Variants in BAALC observed in about 807,000 individuals in gnomAD.
BAALC encodes BAALC binder of MAP3K1 and KLF4.
Under a neutral mutation model 15.5 loss-of-function variants are expected in BAALC, and 9 were observed. The ratio of observed to expected loss-of-function variants is 0.58; its 90% CI spans 0.35 to 1.02. The LOEUF is 1.02. BAALC is among the 50% of genes least tolerant of loss of function. The pLI is 0.02. For missense variants in BAALC, 201 were observed against 192.4 expected (o/e 1.04, Z -0.27); for synonymous variants, 80 against 74.6 (o/e 1.07, Z -0.37).
At chr8:103,164,483 A>G (rs1174227783) in intron 1 of BAALC, among the ~76,000 whole-genome samples, 1 of 152,098 alleles carries the variant, frequency 6.6e-6, no homozygotes, top group Non-Finnish European at 1.5e-5. Context: ...TTTCTGGAGG[A>G]TGGATGTGAT....
intron 1 of BAALC, among the ~76,000 whole-genome samples, chr8:103,177,513 C>A (rs1051175086): frequency 6.6e-6 from 1 of 152,102 alleles, no homozygotes; most frequent in Non-Finnish European, 1.5e-5. Context: ...AGCCACCTAT[C>A]CCATGCAAAA....
chr8:103,154,890 C>T (rs1378758226), intron 1 of BAALC, among the ~76,000 whole-genome samples: 2 of 150,870 alleles, frequency 1.3e-5, no homozygotes, highest in Non-Finnish European at 2.9e-5. Flanking sequence ...GTAACACCAC[C>T]TGTGATGTGG....
chr8:103,193,940 G>T (rs1812032852), intron 1 of BAALC, among the ~76,000 whole-genome samples: 1 of 152,164 alleles, frequency 6.6e-6, no homozygotes, highest in East Asian at 1.9e-4. Context: ...AGATGCTTAA[G>T]GCCCCAAGAG....
chr8:103,142,705 G>A (rs1810806703), intron 1 of BAALC, among the ~76,000 whole-genome samples: 2 of 152,194 alleles, frequency 1.3e-5, no homozygotes, highest in Admixed American at 6.5e-5. Context: ...GTGTATGTGC[G>A]TATATGCATA....
At chr8:103,150,890 A>G (rs1415859822) in intron 1 of BAALC, among the ~76,000 whole-genome samples, 1 of 151,880 alleles carries the variant, frequency 6.6e-6, no homozygotes, top group Non-Finnish European at 1.5e-5. Flanking sequence ...TTCCTCCCCA[A>G]CTAGTGAGCC....
chr8:103,150,405 A>G (rs1810962401), intron 1 of BAALC, among the ~76,000 whole-genome samples: 1 of 150,954 alleles, frequency 6.6e-6, no homozygotes, highest in East Asian at 2.0e-4. Flanking sequence ...GTGTGCAGGG[A>G]CCAGCTTTCT....
intron 2 of BAALC, among the ~76,000 whole-genome samples, chr8:103,217,129 CT>C (rs958364026): frequency 5.3e-5 from 8 of 152,180 alleles, no homozygotes; most frequent in Admixed American, 6.5e-5. Flanking sequence ...GCCTGTGCAG[CT>C]TTTGTTTTCA....
At chr8:103,145,301 C>T (rs1246475532) in intron 1 of BAALC, among the ~76,000 whole-genome samples, 1 of 152,174 alleles carries the variant, frequency 6.6e-6, no homozygotes, top group East Asian at 1.9e-4. Context: ...AACTCCAGAC[C>T]CATGTGATCA....
At chr8:103,198,200 C>T in intron 1 of BAALC, 1 of 694,860 alleles carries the variant, frequency 1.4e-6, no homozygotes, top group Non-Finnish European at 2.6e-6. Context: ...ATAGGCATTG[C>T]AATGTATTGA....
intron 1 of BAALC, among the ~76,000 whole-genome samples, chr8:103,168,515 T>G (rs7843452): frequency 0.062 from 9,477 of 152,114 alleles, 550 homozygotes; most frequent in African/African-American, 0.16. Context: ...GTGTTTGTTT[T>G]TTTTTTTTTA....
chr8:103,199,889 A>G (rs1408967840), intron 1 of BAALC, among the ~76,000 whole-genome samples: 1 of 152,174 alleles, frequency 6.6e-6, no homozygotes, highest in African/African-American at 2.4e-5. Context: ...AGCTCCACTT[A>G]TCAGTGAGAA....
chr8:103,166,733 G>A (rs543463680), intron 1 of BAALC, among the ~76,000 whole-genome samples: 9 of 152,276 alleles, frequency 5.9e-5, no homozygotes, highest in African/African-American at 2.2e-4. Flanking sequence ...TTAATGAGGT[G>A]CTTGTGCTCC....
intron 1 of BAALC, among the ~76,000 whole-genome samples, chr8:103,175,219 T>A (rs1811581701): frequency 1.3e-5 from 2 of 152,174 alleles, no homozygotes; most frequent in African/African-American, 4.8e-5. Context: ...ACTTTCTTTC[T>A]CTCTACACAA....
At chr8:103,169,582 T>G (rs1445850268) in intron 1 of BAALC, among the ~76,000 whole-genome samples, 4 of 152,208 alleles carry the variant, frequency 2.6e-5, no homozygotes, top group Non-Finnish European at 4.4e-5. Flanking sequence ...CAGGAACTTT[T>G]GATGTCTGTA....
intron 1 of BAALC, among the ~76,000 whole-genome samples, chr8:103,160,634 C>CAT (rs1046790131): frequency 4.0e-5 from 6 of 151,846 alleles, no homozygotes; most frequent in African/African-American, 1.2e-4. Context: ...ATAGTCTATA[C>CAT]ATATATATAT....
At chr8:103,186,381 G>A (rs1235446517) in intron 1 of BAALC, among the ~76,000 whole-genome samples, 1 of 152,206 alleles carries the variant, frequency 6.6e-6, no homozygotes, top group African/African-American at 2.4e-5. Context: ...ACAAGTAGGT[G>A]GTGATGAAGG....
At chr8:103,182,620 G>C (rs1404354258) in intron 1 of BAALC, among the ~76,000 whole-genome samples, 1 of 152,204 alleles carries the variant, frequency 6.6e-6, no homozygotes, top group African/African-American at 2.4e-5. Flanking sequence ...CCTGATAGTA[G>C]AGACCCTATG....
Position 103,229,880 on chromosome 8 carries a change from A to G in BAALC, c.*1781A>G, listed in dbSNP as rs1018489041. The G allele has an allele frequency of 3.9e-5, 6 of 152,200 alleles. No individual in the cohort carries two copies. Among genetic ancestry groups the G allele is most frequent in the Non-Finnish European group, 8.8e-5 (6 of 68,034 alleles). 9.4% of individuals were successfully genotyped at this position (152,200 alleles called of 1,614,324 possible). On this transcript the variant is annotated 3_prime_UTR_variant, in exon 3 of 3. Transcript: ENST00000309982. ...AAGATAAAAGAAAAACCTGTGATTCATATGTCCCCACTGGCATTACTCAGC... is the reference window on the plus strand; with the variant it reads ...AAGATAAAAGAAAAACCTGTGATTCGTATGTCCCCACTGGCATTACTCAGC...
At chr8:103,203,790 T>C (rs960785702) in intron 1 of BAALC, among the ~76,000 whole-genome samples, 1 of 152,150 alleles carries the variant, frequency 6.6e-6, no homozygotes, top group African/African-American at 2.4e-5. Context: ...CAAATAATAT[T>C]CCATTGTATA....
Sources: gnomAD v4.1 joint callset for allele counts (sites outside exome capture counted in the v4.1 genomes callset) on GRCh38, gnomAD v4.1.1 for gene constraint, MANE v1.5 for transcripts, NCBI Gene and HGNC (gene_info 2026-07-23, HGNC 2026-07-21) for gene names.